The following UBE2O variants were observed in gnomAD, a reference collection of about 807,000 sequenced individuals.
UBE2O encodes (E3-independent) E2 ubiquitin-conjugating enzyme.
Under a neutral mutation model 125.8 loss-of-function variants are expected in UBE2O, and 15 were observed. That is an observed-to-expected ratio of 0.12 (90% CI 0.08 to 0.18). The LOEUF (loss-of-function observed/expected upper bound fraction) is 0.18. Among genes scored for constraint, UBE2O ranks in the 10% least tolerant of loss-of-function variants. UBE2O has a pLI of 1.00. For synonymous variants in UBE2O, 708 were observed against 703.2 expected (o/e 1.01, Z -0.11); for missense variants, 1,280 against 1,723.6 (o/e 0.74, Z 4.56).
chr17:76,439,744 C>T (rs1041090886), intron 1 of UBE2O, among the ~76,000 whole-genome samples: 2 of 152,142 alleles, frequency 1.3e-5, no homozygotes, highest in Non-Finnish European at 2.9e-5. Flanking sequence ...CTGGACTTCC[C>T]GCCCAGGACG....
rs374117717 is a variant in UBE2O, at chr17:76,398,531, T to C, written c.1837A>G (p.Ile613Val). The change falls in exon 11 of 18, where the codon ATC becomes GTC. Residue 613 changes from isoleucine (I) to valine (V), a missense_variant. Physicochemically the swap from Ile to Val is conservative, Grantham distance 29. Coordinates refer to ENST00000319380, the MANE Select transcript of UBE2O (RefSeq NM_022066.4). This position sits in a 1 kb window ranked among gnomAD's most constrained non-coding sequence, Gnocchi z 5.4. ...CACTTCACCATGCAGGTACGGCCGA[T>C]GTGGTCCCCAGACTGTACCACACCG... Reference protein sequence around the residue: ...VYGVVQSGDHIGRTCMVKWFK... With the variant: ...VYGVVQSGDHVGRTCMVKWFK... 25 of 1,613,948 alleles carry C rather than the reference T, an allele frequency of 1.5e-5. No homozygotes were observed. The highest frequency in any genetic ancestry group is 1.1e-4 in the African/African-American group (8 of 74,890).
chr17:76,425,154 A>G (rs1331576487), intron 1 of UBE2O, among the ~76,000 whole-genome samples: 1 of 148,626 alleles, frequency 6.7e-6, no homozygotes, highest in Non-Finnish European at 1.5e-5. Flanking sequence ...TACAGGCGTG[A>G]GCCACCGCAC....
At chr17:76,403,423 C>T (rs537590894) in intron 3 of UBE2O, among the ~76,000 whole-genome samples, 6 of 152,116 alleles carry the variant, frequency 3.9e-5, no homozygotes, top group African/African-American at 7.2e-5. Flanking sequence ...CATGCATCAC[C>T]GTGCCTGGCC....
rs1264148472 is a variant in UBE2O, at chr17:76,395,534, C to G, written c.2946+191G>C. ...AAGGAGGGAGGAAAGAAAGAACCAT[C>G]TGGCCTGGACACACGGCTGAGTCAG... On this transcript the variant is annotated intron_variant, in intron 15 of 17. Transcript: ENST00000319380. The surrounding 1 kb of genome is among the most constrained non-coding windows in gnomAD (Gnocchi z 5.0). 12 of 578,012 alleles carry G rather than the reference C, an allele frequency of 2.1e-5. No homozygotes were observed. The highest frequency in any genetic ancestry group is 3.5e-5 in the Non-Finnish European group (12 of 341,462). 35.8% of individuals were successfully genotyped at this position (578,012 alleles called of 1,614,324 possible).
In UBE2O at chr17:76,391,979, G is replaced by A. The variant is rs200415901; in HGVS notation, c.3081C>T (p.Gly1027=). 3.7e-6 allele frequency: 6 copies of A among 1,607,178 alleles called. No homozygotes were observed. In the African/African-American group the frequency reaches 6.7e-5, roughly 18 times the overall value. The part of the protein sequence containing the change: ...PHFCYLSQCS[G]RLNPNLYDNG... Reference sequence around the variant, plus strand: ...TGTCATACAGGTTGGGGTTCAGGCGGCCACTGCATTGGGAGAGGTAGCAGA... The same window carrying A: ...TGTCATACAGGTTGGGGTTCAGGCGACCACTGCATTGGGAGAGGTAGCAGA... Residue 1027 remains glycine (G), a synonymous_variant, in exon 16 of 18, where the codon GGC becomes GGT. Transcript: ENST00000319380. This position sits in a 1 kb window ranked among gnomAD's most constrained non-coding sequence, Gnocchi z 8.4.
chr17:76,405,453 C>T lies in UBE2O; in HGVS notation c.477+60G>A. 6.4e-7 allele frequency: 1 copy of T among 1,556,360 alleles called. No homozygotes were observed. Among genetic ancestry groups the T allele is most frequent in the Admixed American group, 1.9e-5 (1 of 52,618 alleles). On this transcript the variant is annotated intron_variant, in intron 2 of 17. Transcript: ENST00000319380. The surrounding 1 kb of genome is among the most constrained non-coding windows in gnomAD (Gnocchi z 6.1). Reference sequence around the variant, plus strand: ...ACATGCAGAGTGCGAGGTGGGCAGGCTCAAGTCCCTAAGGTGGCTGCCCCC... The same window carrying T: ...ACATGCAGAGTGCGAGGTGGGCAGGTTCAAGTCCCTAAGGTGGCTGCCCCC...
intron 1 of UBE2O, among the ~76,000 whole-genome samples, chr17:76,421,469 G>A (rs184871867): frequency 2.0e-5 from 3 of 152,108 alleles, no homozygotes; most frequent in South Asian, 2.1e-4. Flanking sequence ...CGGTTCAAGC[G>A]ATTGTCCTGC....
In UBE2O at chr17:76,452,101, C is replaced by A. The variant is rs375729911; in HGVS notation, c.417+624G>T. On this transcript the variant is annotated intron_variant, in intron 1 of 17. Coordinates refer to ENST00000319380, the MANE Select transcript of UBE2O (RefSeq NM_022066.4). The surrounding 1 kb of genome is among the most constrained non-coding windows in gnomAD (Gnocchi z 4.4). The stretch of plus-strand genomic sequence containing the variant: ...GTCGCAGCTGTCAGAATCCTCCCCC[C>A]CAAGTACTATTCATACCGGGGCTCT... 4.6e-5 allele frequency among the ~76,000 whole-genome samples: 7 copies of A among 152,050 alleles called. No individual in the cohort carries two copies. The East Asian group carries it at 5.8e-4, about 13-fold the overall frequency.
intron 1 of UBE2O, among the ~76,000 whole-genome samples, chr17:76,441,931 C>T (rs1447093091): frequency 6.6e-6 from 1 of 152,364 alleles, no homozygotes; most frequent in East Asian, 1.9e-4. Flanking sequence ...GCCTAAGCTG[C>T]GTTCCTGATT....
intron 1 of UBE2O, among the ~76,000 whole-genome samples, chr17:76,428,821 C>T (rs1005315191): frequency 3.9e-5 from 6 of 152,154 alleles, no homozygotes; most frequent in Middle Eastern, 6.8e-3. Context: ...TGTCAATTCC[C>T]TGATTTTCAT....
At position 76,399,639 on chromosome 17, in the gene UBE2O, C is replaced by T. The variant is rs755256656; in HGVS notation, c.1438G>A (p.Ala480Thr). 1.2e-5 allele frequency: 20 copies of T among 1,614,090 alleles called. No individual in the cohort carries two copies. In the African/African-American group the frequency reaches 1.3e-4, roughly 11 times the overall value. ...GTGTCATCAGCAGCCTCATCATCTG[C>T]GTCCTGCTCTGCCGAGTGCAGCCTG... ...DDRLHSAEQD[A>T]DDEAADDTDD... Residue 480 changes from alanine (A) to threonine (T), a missense_variant, in exon 9 of 18, where the codon GCA (alanine) becomes ACA (threonine). Ala to Thr is a moderately conservative substitution (Grantham distance 58). This residue lies in a region of UBE2O where 145 missense variants were observed against 219.6 expected (regional missense o/e 0.66). Coordinates refer to ENST00000319380, the MANE Select transcript of UBE2O (RefSeq NM_022066.4). The surrounding 1 kb of genome is among the most constrained non-coding windows in gnomAD (Gnocchi z 6.9).
chr17:76,427,397 T>C (rs969022888), intron 1 of UBE2O, among the ~76,000 whole-genome samples: 1 of 152,262 alleles, frequency 6.6e-6, no homozygotes, highest in African/African-American at 2.4e-5. Context: ...CTTTGACATC[T>C]ATTTCTTCTT....
chr17:76,411,569 C>T (rs2072516531), intron 1 of UBE2O, among the ~76,000 whole-genome samples: 1 of 152,242 alleles, frequency 6.6e-6, no homozygotes, highest in African/African-American at 2.4e-5. Context: ...ACAGTCATCT[C>T]CAGGTGTCAG....
rs979174664 is a variant in UBE2O, at chr17:76,421,383, T to C, written c.418-15811A>G. The stretch of plus-strand genomic sequence containing the variant: ...ACTATTTTCTTTTGTCTTTTTTTTT[T>C]TGAGACGGAGTTTCGCTCTTGTTGC... On this transcript the variant is annotated intron_variant, in intron 1 of 17. Transcript: ENST00000319380. Among the ~76,000 whole-genome samples, 76 of 149,552 alleles carry C rather than the reference T, an allele frequency of 5.1e-4. 1 individual carries two copies. Among genetic ancestry groups the C allele is most frequent in the Admixed American group, 2.0e-4 (3 of 14,862 alleles).
chr17:76,401,873 CAAAAAA>C, intron 5 of UBE2O, 185 bp downstream of exon 5: 61 of 152,540 alleles, frequency 4.0e-4, no homozygotes, highest in South Asian at 1.0e-3. Context: ...GACTCTGTCT[CAAAAAA>C]AAAAAAAAAA....
intron 1 of UBE2O, among the ~76,000 whole-genome samples, chr17:76,433,917 A>G (rs2072942638): frequency 6.6e-6 from 1 of 152,228 alleles, no homozygotes; most frequent in Admixed American, 6.5e-5. Flanking sequence ...CTACAGGCCC[A>G]GCTACAGTGT....
intron 1 of UBE2O, among the ~76,000 whole-genome samples, chr17:76,439,529 C>G (rs376966817): frequency 2.6e-5 from 4 of 152,300 alleles, no homozygotes; most frequent in African/African-American, 9.6e-5. Flanking sequence ...GCTCTGATGG[C>G]CAATAGAATG....
chr17:76,412,413 T>C (rs562880882), intron 1 of UBE2O, among the ~76,000 whole-genome samples: 112 of 152,130 alleles, frequency 7.4e-4, no homozygotes, highest in Non-Finnish European at 1.4e-3. Context: ...CCCCATCTCT[T>C]ATTGTCTGAG....
At position 76,398,225 on chromosome 17, in the gene UBE2O, G is replaced by A. The variant is rs2072251134; in HGVS notation, c.2025+30C>T. On this transcript the variant is annotated intron_variant, in intron 12 of 17. Transcript: ENST00000319380. The surrounding 1 kb of genome is among the most constrained non-coding windows in gnomAD (Gnocchi z 5.4). Reference sequence around the variant, plus strand: ...CAGCTGGTGCACAGGGCAGTGAGCAGCCATCCAGAACTTGAATTTGAAGGC... The same window carrying A: ...CAGCTGGTGCACAGGGCAGTGAGCAACCATCCAGAACTTGAATTTGAAGGC... 3.1e-6 allele frequency: 5 copies of A among 1,613,872 alleles called. No individual in the cohort carries two copies. Among genetic ancestry groups the A allele is most frequent in the Non-Finnish European group, 4.2e-6 (5 of 1,179,880 alleles).
Sources: allele counts gnomAD v4.1 joint callset (sites outside exome capture counted in the v4.1 genomes callset), GRCh38; gene constraint gnomAD v4.1.1; regional missense constraint gnomAD v4.1.1; non-coding constraint Gnocchi (gnomAD v3.1); transcripts MANE v1.5; gene names NCBI Gene and HGNC (gene_info 2026-07-23, HGNC 2026-07-21).